GALNT18: variants seen among roughly 807,000 people sequenced by gnomAD.
GALNT18 encodes GalNAc-transferase 18.
In GALNT18, 44 loss-of-function variants were observed where a neutral mutation model predicts 69.5. The ratio of observed to expected loss-of-function variants is 0.63; its 90% confidence interval spans 0.50 to 0.81. The LOEUF is 0.81. Ranked by LOEUF, GALNT18 falls within the 40% of genes least tolerant of loss-of-function variation. GALNT18 has a pLI of 0.00. For missense variants in GALNT18, 715 were observed against 810.0 expected, an observed-to-expected ratio of 0.88 and a Z score of 1.42; for synonymous variants, 364 against 318.2, an observed-to-expected ratio of 1.14 and a Z score of -1.53.
chr11:11,418,751 G>A (rs1436489988), intron 3 of GALNT18, among the ~76,000 whole-genome samples: 1 of 152,228 alleles, frequency 6.6e-6, no homozygotes, highest in South Asian at 2.1e-4. Flanking sequence ...CTCTGTGAAT[G>A]TCTGTTGAAT....
intron 1 of GALNT18, among the ~76,000 whole-genome samples, chr11:11,515,523 G>A (rs1392810793): frequency 1.3e-5 from 2 of 152,250 alleles, no homozygotes; most frequent in East Asian, 1.9e-4. Context: ...GCCCTTGTGG[G>A]GCTTACGTTC....
At chr11:11,344,655 C>A (rs1850269807) in intron 6 of GALNT18, among the ~76,000 whole-genome samples, 1 of 152,216 alleles carries the variant, frequency 6.6e-6, no homozygotes, top group East Asian at 1.9e-4. Flanking sequence ...TGCTGTGTCA[C>A]CTTTGGCAGG....
chr11:11,377,747 C>T lies in GALNT18; in HGVS notation c.780-368G>A, dbSNP rs766316478. Among the ~76,000 whole-genome samples the T allele has an allele frequency of 2.6e-5, 4 of 152,050 alleles. No individual in the cohort carries two copies. The highest frequency in any genetic ancestry group is 4.4e-5 in the Non-Finnish European group (3 of 68,024). On this transcript the variant is annotated intron_variant, in intron 4 of 10. Coordinates refer to ENST00000227756, the MANE Select transcript of GALNT18 (RefSeq NM_198516.3). This position sits in a 1 kb window ranked among gnomAD's most constrained non-coding sequence, Gnocchi z 4.6. Reference sequence around the variant, plus strand: ...TCTGAGGCTCCAGAAAAAGCTTTCACCTTGGGCTTTGATTTTGCTAAAATT... The same window carrying T: ...TCTGAGGCTCCAGAAAAAGCTTTCATCTTGGGCTTTGATTTTGCTAAAATT...
chr11:11,271,452 TA>T (rs1324483355), intron 10 of GALNT18, among the ~76,000 whole-genome samples, 162 bp from the exon 11 acceptor site: 2 of 152,192 alleles, frequency 1.3e-5, no homozygotes, highest in African/African-American at 4.8e-5. Flanking sequence ...ATCACTCATA[TA>T]TTAGTCTCCT....
chr11:11,467,449 T>G (rs1856177202), intron 1 of GALNT18, among the ~76,000 whole-genome samples: 1 of 152,194 alleles, frequency 6.6e-6, no homozygotes, highest in Admixed American at 6.5e-5. Flanking sequence ...CAACATCCTC[T>G]GAACACAGCA....
chr11:11,488,358 C>T (rs954799781), intron 1 of GALNT18, among the ~76,000 whole-genome samples: 1 of 152,052 alleles, frequency 6.6e-6, no homozygotes, highest in Non-Finnish European at 1.5e-5. Flanking sequence ...ACAGTCAGCC[C>T]AGGTGGATCG....
At chr11:11,358,737 C>T (rs969138076) in intron 6 of GALNT18, among the ~76,000 whole-genome samples, 1 of 138,068 alleles carries the variant, frequency 7.2e-6, no homozygotes, top group African/African-American at 2.7e-5. Flanking sequence ...TACCCCACCA[C>T]AGCAGCTGAA....
Position 11,421,431 on chromosome 11 carries a change from C to T in GALNT18, c.595+11190G>A, listed in dbSNP as rs1316381172. 3.3e-5 allele frequency among the ~76,000 whole-genome samples: 5 copies of T among 152,076 alleles called. No individual in the cohort carries two copies. The highest frequency in any genetic ancestry group is 1.2e-4 in the African/African-American group (5 of 41,404). The stretch of plus-strand genomic sequence containing the variant: ...ATGTAGGAAGCCAGGTGGATCGAAC[C>T]GTGGAAGCAGAGCCCCAGTTTGGTG... On this transcript the variant is annotated intron_variant, in intron 3 of 10. Coordinates refer to ENST00000227756, the MANE Select transcript of GALNT18 (RefSeq NM_198516.3). This position sits in a 1 kb window ranked among gnomAD's most constrained non-coding sequence, Gnocchi z 5.6.
chr11:11,346,613 C>T (rs1173264411), intron 6 of GALNT18, among the ~76,000 whole-genome samples: 1 of 152,160 alleles, frequency 6.6e-6, no homozygotes, highest in Admixed American at 6.6e-5. Flanking sequence ...CTTGTGGAAC[C>T]ATGAACTCAC....
intron 1 of GALNT18, among the ~76,000 whole-genome samples, chr11:11,612,295 C>A (rs1433816846): frequency 6.6e-6 from 1 of 152,176 alleles, no homozygotes; most frequent in Non-Finnish European, 1.5e-5. Context: ...TGGGCAGCAC[C>A]TGGGCCAGTC....
At position 11,436,932 on chromosome 11, in the gene GALNT18, TGACCCA is replaced by T. The variant is rs1316043061; in HGVS notation, c.429-4151_429-4146del. On this transcript the variant is annotated intron_variant, in intron 2 of 10. Coordinates refer to ENST00000227756, the MANE Select transcript of GALNT18 (RefSeq NM_198516.3). This position sits in a 1 kb window ranked among gnomAD's most constrained non-coding sequence, Gnocchi z 4.5. ...CTTTCTCGGCCTGGCAACCCAGCAC[TGACCCA>T]GTGGCCTTTGCTCCCAAATCTGTAC... 2.0e-5 allele frequency among the ~76,000 whole-genome samples: 3 copies of T among 152,210 alleles called. No homozygotes were observed. Among genetic ancestry groups the T allele is most frequent in the Non-Finnish European group, 4.4e-5 (3 of 68,032 alleles).
chr11:11,394,890 C>T (rs1012560950), intron 3 of GALNT18, among the ~76,000 whole-genome samples: 5 of 152,192 alleles, frequency 3.3e-5, no homozygotes, highest in African/African-American at 1.2e-4. Context: ...AGGCCTGATG[C>T]TCTCACCATG....
Position 11,421,806 on chromosome 11 carries a change from C to T in GALNT18, c.595+10815G>A, listed in dbSNP as rs1855012023. Among the ~76,000 whole-genome samples, 1 of 152,064 alleles carries T rather than the reference C, an allele frequency of 6.6e-6. No homozygotes were observed. The highest frequency in any genetic ancestry group is 1.5e-5 in the Non-Finnish European group (1 of 68,030). Reference sequence around the variant, plus strand: ...TGCTAGCACACAGCATCTTGATGTACTTGGCCAAAAGGTGCCTTCTCTGGA... The same window carrying T: ...TGCTAGCACACAGCATCTTGATGTATTTGGCCAAAAGGTGCCTTCTCTGGA... On this transcript the variant is annotated intron_variant, in intron 3 of 10. Transcript: ENST00000227756. This position sits in a 1 kb window ranked among gnomAD's most constrained non-coding sequence, Gnocchi z 5.6.
intron 10 of GALNT18, among the ~76,000 whole-genome samples, chr11:11,281,446 C>T (rs72859259): frequency 0.016 from 2,412 of 152,318 alleles, 42 homozygotes; most frequent in Non-Finnish European, 0.025. Flanking sequence ...GGGCCCGGAC[C>T]AAGTGCCGCT....
intron 3 of GALNT18, among the ~76,000 whole-genome samples, chr11:11,392,523 G>A (rs1010439068): frequency 6.6e-6 from 1 of 152,196 alleles, no homozygotes; most frequent in African/African-American, 2.4e-5. Flanking sequence ...GGAGGCTGAG[G>A]CAGGAGAATC....
At position 11,505,101 on chromosome 11, in the gene GALNT18, A is replaced by T. The variant is rs1857045824; in HGVS notation, c.236-56165T>A. Among the ~76,000 whole-genome samples the T allele has an allele frequency of 6.6e-6, 1 of 152,196 alleles. No homozygotes were observed. Among genetic ancestry groups the T allele is most frequent in the African/African-American group, 2.4e-5 (1 of 41,442 alleles). ...AGGAGCAAAGTTTAAAGAAAATGCCACCTTGAGGGGATGACATTTGAAGAG... is the reference window on the plus strand; with the variant it reads ...AGGAGCAAAGTTTAAAGAAAATGCCTCCTTGAGGGGATGACATTTGAAGAG... On this transcript the variant is annotated intron_variant, in intron 1 of 10. Coordinates refer to ENST00000227756, the MANE Select transcript of GALNT18 (RefSeq NM_198516.3). This position sits in a 1 kb window ranked among gnomAD's most constrained non-coding sequence, Gnocchi z 4.6.
rs1485667249 is a variant in GALNT18, at chr11:11,404,573, G to A, written c.596-25309C>T. 1.3e-5 allele frequency among the ~76,000 whole-genome samples: 2 copies of A among 152,128 alleles called. No homozygotes were observed. The highest frequency in any genetic ancestry group is 2.9e-5 in the Non-Finnish European group (2 of 68,024). ...GGGAGGAAAATGTCTGAGTGTATCT[G>A]AACCACGGCTCCATCCAAACCTAAG... On this transcript the variant is annotated intron_variant, in intron 3 of 10. Transcript: ENST00000227756. The surrounding 1 kb of genome is among the most constrained non-coding windows in gnomAD (Gnocchi z 4.5).
In GALNT18 at chr11:11,356,279, A is replaced by C. The variant is rs10831601; in HGVS notation, c.1093-15275T>G. Among the ~76,000 whole-genome samples the C allele has an allele frequency of 0.82, 125,213 of 152,118 alleles. 51,835 individuals carry two copies. Among genetic ancestry groups the C allele is most frequent in the Middle Eastern group, 0.96 (281 of 294 alleles). On this transcript the variant is annotated intron_variant, in intron 6 of 10. Coordinates refer to ENST00000227756, the MANE Select transcript of GALNT18 (RefSeq NM_198516.3). The surrounding 1 kb of genome is among the most constrained non-coding windows in gnomAD (Gnocchi z 4.4). ...AGTTTGTGGCAGTTCTTCTGAGGAA[A>C]TGATTCTGGCCTTGCTTGGTGGTCT...
At chr11:11,588,147 A>AC (rs1859270298) in intron 1 of GALNT18, among the ~76,000 whole-genome samples, 1 of 151,850 alleles carries the variant, frequency 6.6e-6, no homozygotes, top group Non-Finnish European at 1.5e-5. Flanking sequence ...AGTGAGCCAT[A>AC]CCCCCTTCCT....
Sources: allele counts gnomAD v4.1 joint callset (sites outside exome capture counted in the v4.1 genomes callset), GRCh38; gene constraint gnomAD v4.1.1; non-coding constraint Gnocchi (gnomAD v3.1); transcripts MANE v1.5; gene names NCBI Gene and HGNC (gene_info 2026-07-23, HGNC 2026-07-21).